The following SNX24 variants were observed in gnomAD, a reference collection of about 807,000 sequenced individuals.
SNX24 encodes sorting nexin 24, also known as sorting nexin-24.
SNX24 carries 22 observed loss-of-function variants against 28.7 expected under a neutral mutation model. The ratio of observed to expected loss-of-function variants is 0.77; its 90% CI spans 0.55 to 1.10. The LOEUF is 1.10. SNX24 is among the 50% of genes least tolerant of loss of function. SNX24 has a pLI of 0.00. For synonymous variants in SNX24, 69 were observed against 71.5 expected, an observed-to-expected ratio of 0.96 and a Z score of 0.18; for missense variants, 221 against 201.1, an observed-to-expected ratio of 1.10 and a Z score of -0.60.
At chr5:122,965,894 A>G (rs1163517656) in intron 3 of SNX24, among the ~76,000 whole-genome samples, 6 of 152,224 alleles carry the variant, frequency 3.9e-5, no homozygotes, top group African/African-American at 7.2e-5. Flanking sequence ...ATAAGCTATC[A>G]AAGAGTGGAG....
intron 5 of SNX24, among the ~76,000 whole-genome samples, chr5:123,019,503 A>G (rs535264470): frequency 6.6e-6 from 1 of 152,258 alleles, no homozygotes; most frequent in Non-Finnish European, 1.5e-5. Context: ...TTCATCAGAA[A>G]TAAAGTAATT....
chr5:122,949,642 A>G (rs1334609010), intron 3 of SNX24, among the ~76,000 whole-genome samples: 2 of 152,170 alleles, frequency 1.3e-5, no homozygotes, highest in African/African-American at 4.8e-5. Flanking sequence ...GCAGAGTCTA[A>G]CAGTTGAGCA....
intron 6 of SNX24, among the ~76,000 whole-genome samples, chr5:123,004,654 C>T (rs1235074899): frequency 2.0e-5 from 3 of 152,196 alleles, no homozygotes; most frequent in African/African-American, 7.2e-5. Flanking sequence ...GCAAGGCCCT[C>T]TGTGGCCTGC....
chr5:122,919,676 A>G (rs751490647), intron 1 of SNX24, among the ~76,000 whole-genome samples: 2 of 152,174 alleles, frequency 1.3e-5, no homozygotes, highest in Non-Finnish European at 2.9e-5. Flanking sequence ...AAATATAATG[A>G]TATTAATTGA....
chr5:123,007,740 G>C lies in SNX24; in HGVS notation c.501G>C (p.Gln167His). The change falls in exon 7 of 7, where the codon CAG becomes CAC. Residue 167 changes from glutamine (Q) to histidine (H), a missense_variant. Transcript: ENST00000261369. Reference sequence around the variant, plus strand: ...ATGGGATATTTTACCCTCATCTACAGCCCAGGTAGAAATCCTACATGGCTA... The same window carrying C: ...ATGGGATATTTTACCCTCATCTACACCCCAGGTAGAAATCCTACATGGCTA... ...VLHGIFYPHL[Q>H]PR 1 of 1,597,728 alleles carries C rather than the reference G, an allele frequency of 6.3e-7. No homozygotes were observed. The highest frequency in any genetic ancestry group is 8.5e-7 in the Non-Finnish European group (1 of 1,176,078).
rs530000318 is a variant in SNX24 at position 122,989,955 on chromosome 5, A to G, written c.250-9957A>G. ...GCCCTAATTTCTCATCTTTCTTGCT[A>G]TTGTGTTCTGTCCCAGTAGGCTACT... On this transcript the variant is annotated intron_variant, in intron 3 of 6. Coordinates refer to ENST00000261369, the MANE Select transcript of SNX24 (RefSeq NM_014035.4). 2.0e-5 allele frequency among the ~76,000 whole-genome samples: 3 copies of G among 152,228 alleles called. No individual in the cohort carries two copies. In the South Asian group the frequency reaches 6.2e-4, roughly 32 times the overall value.
At chr5:122,919,152 A>G (rs1242954696) in intron 1 of SNX24, among the ~76,000 whole-genome samples, 1 of 152,250 alleles carries the variant, frequency 6.6e-6, no homozygotes, top group Non-Finnish European at 1.5e-5. Context: ...AAAGCAAGAC[A>G]ATCCATATAT....
At chr5:122,951,308 A>G (rs527613956) in intron 3 of SNX24, among the ~76,000 whole-genome samples, 5 of 151,182 alleles carry the variant, frequency 3.3e-5, no homozygotes, top group East Asian at 1.9e-4. Context: ...ATTTAAAGTC[A>G]TAAATCTCCT....
intron 3 of SNX24, among the ~76,000 whole-genome samples, chr5:122,955,649 T>A (rs1760172703): frequency 6.6e-6 from 1 of 152,202 alleles, no homozygotes; most frequent in African/African-American, 2.4e-5. Flanking sequence ...TAAGGCTTGC[T>A]CCTCATTACC....
At chr5:122,916,398 G>C (rs1209638875) in intron 1 of SNX24, among the ~76,000 whole-genome samples, 1 of 152,172 alleles carries the variant, frequency 6.6e-6, no homozygotes, top group Non-Finnish European at 1.5e-5. Flanking sequence ...ATCCTGGGGG[G>C]CCTGCTTTGT....
At chr5:122,979,770 G>A (rs191514240) in intron 3 of SNX24, among the ~76,000 whole-genome samples, 20 of 152,270 alleles carry the variant, frequency 1.3e-4, no homozygotes, top group African/African-American at 4.3e-4. Flanking sequence ...AATGCCCACC[G>A]TTGAGCATTC....
At chr5:123,009,770 G>A (rs1225612623), downstream of SNX24, among the ~76,000 whole-genome samples, 4 of 152,212 alleles carry the variant, frequency 2.6e-5, no homozygotes. Context: ...TGTTGGAAGG[G>A]TGAGAGGAGT....
intron 1 of SNX24, among the ~76,000 whole-genome samples, chr5:122,868,303 A>G (rs754704725): frequency 6.6e-6 from 1 of 152,112 alleles, no homozygotes; most frequent in Non-Finnish European, 1.5e-5. Context: ...GCCCAACTTT[A>G]TAGCTTGATG....
downstream of SNX24, among the ~76,000 whole-genome samples, chr5:123,013,260 A>G (rs1269095751): frequency 6.6e-6 from 1 of 152,260 alleles, no homozygotes; most frequent in South Asian, 2.1e-4. Flanking sequence ...AAGAATACAG[A>G]TGTAATCCTT....
intron 3 of SNX24, among the ~76,000 whole-genome samples, chr5:122,993,596 G>A (rs932824951): frequency 6.6e-6 from 1 of 152,064 alleles, no homozygotes; most frequent in Non-Finnish European, 1.5e-5. Flanking sequence ...CACCATGCCC[G>A]GCCTACTGGC....
chr5:122,857,456 A>G (rs369376618), intron 1 of SNX24, among the ~76,000 whole-genome samples: 23 of 150,940 alleles, frequency 1.5e-4, no homozygotes, highest in Admixed American at 9.9e-4. Flanking sequence ...TGTTTGTTAT[A>G]TAGGTAAACT....
chr5:122,861,554 A>AT (rs1022008367), intron 1 of SNX24, among the ~76,000 whole-genome samples: 22 of 149,882 alleles, frequency 1.5e-4, no homozygotes, highest in South Asian at 6.3e-4. Flanking sequence ...CTCTCAGAGG[A>AT]TTTTTTTTTT....
At chr5:123,029,050 A>AT (rs1664416074) in intron 5 of SNX24, 4 of 806,230 alleles carry the variant, frequency 5.0e-6, no homozygotes, top group Admixed American at 3.0e-5. Flanking sequence ...TAAATATGTT[A>AT]TGGAAGTAGA....
chr5:122,981,122 A>G (rs903343413), intron 3 of SNX24, among the ~76,000 whole-genome samples: 1 of 152,214 alleles, frequency 6.6e-6, no homozygotes, highest in Non-Finnish European at 1.5e-5. Flanking sequence ...ACTTGTCTTA[A>G]TTCATGCAAA....
Sources: allele counts gnomAD v4.1 joint callset (sites outside exome capture counted in the v4.1 genomes callset), GRCh38; gene constraint gnomAD v4.1.1; transcripts MANE v1.5; gene names NCBI Gene and HGNC (gene_info 2026-07-23, HGNC 2026-07-21).